ABCA6: variants seen among roughly 807,000 people sequenced by gnomAD.
ABCA6 encodes the protein ATP binding cassette subfamily A member 6, also known as ATP-binding cassette sub-family A member 6.
A neutral mutation model predicts 191.2 loss-of-function variants in ABCA6; 164 were observed. That is an observed-to-expected ratio of 0.86 (90% CI 0.76 to 0.98). The LOEUF (loss-of-function observed/expected upper bound fraction) is 0.98, where lower values mean the gene tolerates loss of function less well. ABCA6 is among the 50% of genes least tolerant of loss of function. The pLI is 0.00. For synonymous variants in ABCA6, 636 were observed against 647.7 expected, an observed-to-expected ratio of 0.98 and a Z score of 0.27; for missense variants, 1,958 against 1,894.1, an observed-to-expected ratio of 1.03 and a Z score of -0.63.
At position 69,085,117 on chromosome 17, in the gene ABCA6, C is replaced by T. The variant is rs368756234; in HGVS notation, c.4095G>A (p.Leu1365=). 6.2e-7 allele frequency: 1 copy of T among 1,613,374 alleles called. No homozygotes were observed. The highest frequency in any genetic ancestry group is 1.1e-5 in the South Asian group (1 of 90,886). Residue 1365 remains leucine, a synonymous_variant, in exon 32 of 39, where the codon CTG becomes CTA. Coordinates refer to ENST00000284425, the MANE Select transcript of ABCA6 (RefSeq NM_080284.3). The part of the protein sequence containing the change: ...HLGYCPQENV[L]WPMLTLREHL... ...GTTCCCTCAACGTCAGCATGGGCCA[C>T]AGCACGTTCTCTTGAGGGCAGTACC...
At chr17:69,097,066 G>A (rs774070172) in intron 23 of ABCA6, among the ~76,000 whole-genome samples, 6 of 152,118 alleles carry the variant, frequency 3.9e-5, no homozygotes, top group Non-Finnish European at 7.4e-5. Context: ...AATGAAAAGT[G>A]GACCTCATAA....
In ABCA6 at chr17:69,107,795, C is replaced by G. The variant is rs1272986348; in HGVS notation, c.2290G>C (p.Asp764His). The G allele has an allele frequency of 1.2e-6, 2 of 1,608,538 alleles. No individual in the cohort carries two copies. Among genetic ancestry groups the G allele is most frequent in the East Asian group, 4.5e-5 (2 of 44,726 alleles). Residue 764 changes from aspartate to histidine, a missense_variant, in exon 18 of 39, where the codon GAT becomes CAT. Transcript: ENST00000284425. ...GTCACTCCCTGGTCAGAACACTTAT[C>G]CAGATCACTGAAAAGATCTAAGGCA... The part of the protein sequence containing the change: ...NTFPDLFSDL[D>H]KCSDQGVTGY...
chr17:69,079,349 A>G, intron 37 of ABCA6, 84 bp from the exon 38 acceptor site: 1 of 1,039,306 alleles, frequency 9.6e-7, no homozygotes, highest in Non-Finnish European at 1.4e-6. Flanking sequence ...AAGAATAAAA[A>G]TGTAAATCAT....
At position 69,107,702 on chromosome 17, in the gene ABCA6, C is replaced by T. The variant is rs374410367; in HGVS notation, c.2383G>A (p.Glu795Lys). 17 of 1,594,976 alleles carry T rather than the reference C, an allele frequency of 1.1e-5. No homozygotes were observed. Among genetic ancestry groups the T allele is most frequent in the South Asian group, 4.5e-5 (4 of 89,090 alleles). The change falls in exon 18 of 39, where the codon GAA becomes AAA. Residue 795 changes from glutamate (E) to lysine (K), a missense_variant. Transcript: ENST00000284425. ...FMKLEGQSTI[E>K]QDFEQVEMIR... Reference sequence around the variant, plus strand: ...ATTATACAAATGGCTTTACCTTGTTCGATAGTTGACTGTCCTTCCAGTTTC... The same window carrying T: ...ATTATACAAATGGCTTTACCTTGTTTGATAGTTGACTGTCCTTCCAGTTTC...
At position 69,081,095 on chromosome 17, in the gene ABCA6, A is replaced by G. The variant is rs1173748238; in HGVS notation, c.4667T>C (p.Leu1556Pro). ...TTCTAATTTGTGAAAGGTCTGTGAT[A>G]GAGGGTAAACGTCTGCCACGGGCAG... Reference protein sequence around the residue: ...YKLPVADVYPLSQTFHKLEAV... With the variant: ...YKLPVADVYPPSQTFHKLEAV... Residue 1556 changes from leucine to proline, a missense_variant, in exon 37 of 39, where the codon CTA becomes CCA. Transcript: ENST00000284425. 6.2e-7 allele frequency: 1 copy of G among 1,606,026 alleles called. No individual in the cohort carries two copies. Among genetic ancestry groups the G allele is most frequent in the Non-Finnish European group, 8.5e-7 (1 of 1,176,152 alleles).
intron 21 of ABCA6, among the ~76,000 whole-genome samples, chr17:69,101,855 T>G (rs1467477682): frequency 6.6e-6 from 1 of 152,182 alleles, no homozygotes; most frequent in Non-Finnish European, 1.5e-5. Flanking sequence ...CAAAGTAATT[T>G]CCCAAAACTG....
chr17:69,093,610 G>C (rs1043189884), intron 25 of ABCA6, among the ~76,000 whole-genome samples: 2 of 152,004 alleles, frequency 1.3e-5, no homozygotes, highest in Non-Finnish European at 2.9e-5. Context: ...TCTTTGTTAG[G>C]GGCTCAGACT....
At chr17:69,081,701 C>CT (rs1414223461) in intron 36 of ABCA6, among the ~76,000 whole-genome samples, 1 of 152,218 alleles carries the variant, frequency 6.6e-6, no homozygotes, top group East Asian at 1.9e-4. Flanking sequence ...ATTCTGAAGG[C>CT]TTTTTCTAGG....
chr17:69,139,939 G>T (rs2074003143), intron 2 of ABCA6, among the ~76,000 whole-genome samples: 1 of 142,240 alleles, frequency 7.0e-6, no homozygotes, highest in Non-Finnish European at 1.5e-5. Flanking sequence ...ACACTCTGGG[G>T]CCTGTTGTGG....
At chr17:69,083,849 C>T (rs568209308) in intron 34 of ABCA6, among the ~76,000 whole-genome samples, 1 of 150,810 alleles carries the variant, frequency 6.6e-6, no homozygotes, top group East Asian at 1.9e-4. Flanking sequence ...AGAATAAACC[C>T]GAGAAAAACT....
rs2072678753 is a variant in ABCA6 at position 69,082,977 on chromosome 17, A to G, written c.4512T>C (p.Leu1504=). ...IGSIQHLKNK[L]GKDYILELKV... is the part of the protein sequence containing the mutation. Reference sequence around the variant, plus strand: ...TTAGCTCTAGAATGTAATCCTTGCCAAGTTTGTTTTTCAGGTGTTGGATGG... The same window carrying G: ...TTAGCTCTAGAATGTAATCCTTGCCGAGTTTGTTTTTCAGGTGTTGGATGG... Residue 1504 remains leucine (L), a synonymous_variant, in exon 36 of 39, where the codon CTT becomes CTC. Transcript: ENST00000284425. 8.7e-6 allele frequency: 14 copies of G among 1,614,096 alleles called. No homozygotes were observed. The highest frequency in any genetic ancestry group is 4.5e-5 in the East Asian group (2 of 44,902).
chr17:69,098,021 T>C lies in ABCA6; in HGVS notation c.3019A>G (p.Ile1007Val), dbSNP rs1454777494. Reference sequence around the variant, plus strand: ...TCCGGCAACCCAGTCCAGAGTCCTATGTGGCTCTGAAAATATAAAGGGTAG... The same window carrying C: ...TCCGGCAACCCAGTCCAGAGTCCTACGTGGCTCTGAAAATATAAAGGGTAG... Reference protein sequence around the residue: ...IESSPFPLSHIGLWTGLPDGS... With the variant: ...IESSPFPLSHVGLWTGLPDGS... Residue 1007 changes from isoleucine (I) to valine (V), a missense_variant, in exon 23 of 39, where the codon ATA becomes GTA. Physicochemically the swap from Ile to Val is conservative, Grantham distance 29 (BLOSUM62 3). Transcript: ENST00000284425. 1.3e-6 allele frequency: 2 copies of C among 1,588,050 alleles called. No homozygotes were observed. Among genetic ancestry groups the C allele is most frequent in the Admixed American group, 1.9e-5 (1 of 52,388 alleles).
At chr17:69,123,493 T>A in intron 9 of ABCA6, 86 bp from the exon 10 acceptor site, 1 of 981,646 alleles carries the variant, frequency 1.0e-6, no homozygotes, top group Non-Finnish European at 1.4e-6. Context: ...GCAGAATGCC[T>A]TGAAGTTTTA....
At position 69,128,642 on chromosome 17, in the gene ABCA6, C is replaced by G; in HGVS notation, c.1096G>C (p.Ala366Pro). 1 of 1,611,942 alleles carries G rather than the reference C, an allele frequency of 6.2e-7. No individual in the cohort carries two copies. The highest frequency in any genetic ancestry group is 8.5e-7 in the Non-Finnish European group (1 of 1,178,900). ...ACCTGAATCATTCCAGTAGTAAAGG[C>G]AAAAGGGCTACAAATATTCAAAATC... Reference protein sequence around the residue: ...EWILNICSPFAFTTGMIQIIK... With the variant: ...EWILNICSPFPFTTGMIQIIK... Residue 366 changes from alanine (A) to proline (P), a missense_variant, in exon 8 of 39, where the codon GCC becomes CCC. Physicochemically the swap from Ala to Pro is conservative, Grantham distance 27 (BLOSUM62 -1). Transcript: ENST00000284425.
At position 69,081,098 on chromosome 17, in the gene ABCA6, G is replaced by A. The variant is rs746853502; in HGVS notation, c.4664C>T (p.Pro1555Leu). ...TAATTTGTGAAAGGTCTGTGATAGA[G>A]GGTAAACGTCTGCCACGGGCAGCTT... is the stretch of plus-strand genomic sequence containing the variant. ...TYKLPVADVYPLSQTFHKLEA... is the reference protein window; with the variant it reads ...TYKLPVADVYLLSQTFHKLEA... The change falls in exon 37 of 39, where the codon CCT (proline) becomes CTT (leucine). Residue 1555 changes from proline (P) to leucine (L), a missense_variant. By Grantham distance (98) the Pro-to-Leu change is moderately conservative. Transcript: ENST00000284425. The A allele has an allele frequency of 6.2e-7, 1 of 1,606,000 alleles. No individual in the cohort carries two copies. Among genetic ancestry groups the A allele is most frequent in the Non-Finnish European group, 8.5e-7 (1 of 1,176,148 alleles).
At chr17:69,118,415 A>G (rs1398458796) in intron 10 of ABCA6, among the ~76,000 whole-genome samples, 1 of 152,010 alleles carries the variant, frequency 6.6e-6, no homozygotes, top group Non-Finnish European at 1.5e-5. Context: ...TACTTTGGAC[A>G]CAATTTAATT....
chr17:69,111,114 A>G, intron 16 of ABCA6, 174 bp from the exon 17 acceptor site: 1 of 528,500 alleles, frequency 1.9e-6, no homozygotes, highest in Non-Finnish European at 3.2e-6. Flanking sequence ...TTTATAATCT[A>G]TATATGGAAA....
Position 69,128,632 on chromosome 17 carries a change from G to A in ABCA6, c.1106C>T (p.Thr369Ile), listed in dbSNP as rs1381712474. 6.2e-7 allele frequency: 1 copy of A among 1,611,326 alleles called. No homozygotes were observed. ...CTAGGCTCTTACCTGAATCATTCCA[G>A]TAGTAAAGGCAAAAGGGCTACAAAT... is the stretch of plus-strand genomic sequence containing the variant. ...LNICSPFAFT[T>I]GMIQIIKLDY... The change falls in exon 8 of 39, where the codon ACT (threonine) becomes ATT (isoleucine). Residue 369 changes from threonine to isoleucine, a missense_variant. Thr to Ile is a moderately conservative substitution (Grantham distance 89). Coordinates refer to ENST00000284425, the MANE Select transcript of ABCA6 (RefSeq NM_080284.3).
intron 9 of ABCA6, among the ~76,000 whole-genome samples, chr17:69,124,344 G>T (rs897598992): frequency 1.8e-4 from 27 of 151,894 alleles, no homozygotes; most frequent in African/African-American, 6.5e-4. Flanking sequence ...AAAGCTTTCT[G>T]ATTCTAGAAT....
Sources: allele counts gnomAD v4.1 joint callset (sites outside exome capture counted in the v4.1 genomes callset), GRCh38; gene constraint gnomAD v4.1.1; transcripts MANE v1.5; gene names NCBI Gene and HGNC (gene_info 2026-07-23, HGNC 2026-07-21).